Variants in ZNF676 observed in about 807,000 individuals in gnomAD.
ZNF676 encodes zinc finger protein 676.
Under a neutral mutation model 6.0 loss-of-function variants are expected in ZNF676, and 4 were observed. The observed-to-expected ratio is 0.67, with a 90% CI of 0.33 to 1.53. The LOEUF is 1.53. ZNF676 is among the 40% of genes most tolerant of loss of function. The probability of loss-of-function intolerance (pLI) is 0.06; values close to 1 mark genes in which losing one functional copy is unlikely to be tolerated. For synonymous variants in ZNF676, 198 were observed against 223.1 expected, an observed-to-expected ratio of 0.89 and a Z score of 1.00; for missense variants, 644 against 679.7, an observed-to-expected ratio of 0.95 and a Z score of 0.58.
At chr19:22,251,040 A>G in the ZNF676 span, among the ~76,000 whole-genome samples, 1 of 152,152 alleles carries the variant, frequency 6.6e-6, no homozygotes, top group African/African-American at 2.4e-5. Context: ...CAGAATCAGG[A>G]GCCTGAAGTT....
At chr19:22,250,274 A>G in the ZNF676 span, among the ~76,000 whole-genome samples, 1 of 152,024 alleles carries the variant, frequency 6.6e-6, no homozygotes, top group African/African-American at 2.4e-5. Context: ...AGATTTTTAT[A>G]TTATATTTTG....
At chr19:22,190,324 C>A (rs185643964) in intron 2 of ZNF676, among the ~76,000 whole-genome samples, 3 of 151,832 alleles carry the variant, frequency 2.0e-5, no homozygotes, top group African/African-American at 7.2e-5. Flanking sequence ...ACAAAACACT[C>A]GAGCACGCTC....
chr19:22,255,569 G>A, the ZNF676 span, among the ~76,000 whole-genome samples: 1 of 152,068 alleles, frequency 6.6e-6, no homozygotes, highest in African/African-American at 2.4e-5. Flanking sequence ...GCTATCACTG[G>A]GTGCAGTGGC....
At chr19:22,205,152 A>G (rs2024064529) in intron 1 of ZNF676, among the ~76,000 whole-genome samples, 1 of 152,170 alleles carries the variant, frequency 6.6e-6, no homozygotes, top group South Asian at 2.1e-4. Context: ...ATGGGTTCAC[A>G]TGAATAAAGC....
the ZNF676 span, among the ~76,000 whole-genome samples, chr19:22,258,284 T>A: frequency 6.6e-6 from 1 of 152,202 alleles, no homozygotes; most frequent in South Asian, 2.1e-4. Flanking sequence ...GGCTCAGAGA[T>A]ATGTCACAGT....
chr19:22,210,047 C>T (rs1310262444), intron 1 of ZNF676, among the ~76,000 whole-genome samples: 5 of 152,078 alleles, frequency 3.3e-5, no homozygotes, highest in African/African-American at 7.2e-5. Context: ...ATCAGATCTC[C>T]TTTAAGTTTT....
chr19:22,229,002 T>C, the ZNF676 span, among the ~76,000 whole-genome samples: 1 of 152,086 alleles, frequency 6.6e-6, no homozygotes, highest in Non-Finnish European at 1.5e-5. Flanking sequence ...AAAAACTACT[T>C]TAAATTTCAT....
upstream of ZNF676, among the ~76,000 whole-genome samples, chr19:22,201,731 C>CAAAAA (rs35526921): frequency 1.6e-4 from 12 of 76,230 alleles, no homozygotes; most frequent in African/African-American, 3.5e-4. Flanking sequence ...TTTGTAAAGG[C>CAAAAA]AAAAAAAAAA....
In ZNF676 at chr19:22,181,589, G is replaced by GA; in HGVS notation, c.131-4dup. The GA allele has an allele frequency of 6.5e-7, 1 of 1,528,978 alleles. No individual in the cohort carries two copies. Among genetic ancestry groups the GA allele is most frequent in the East Asian group, 2.3e-5 (1 of 43,612 alleles). 94.7% of individuals were successfully genotyped at this position (1,528,978 alleles called of 1,614,324 possible). Reference sequence around the variant, plus strand: ...TTGGGAAAAATGAGAACATATAACTGAAAAGAAATAAAAATAACAAATTAA... The same window carrying GA: ...TTGGGAAAAATGAGAACATATAACTGAAAAAGAAATAAAAATAACAAATTAA... On this transcript the variant is annotated splice_region_variant and splice_polypyrimidine_tract_variant and intron_variant, in intron 2 of 2. Coordinates refer to ENST00000397121, the MANE Select transcript of ZNF676 (RefSeq NM_001001411.3).
At chr19:22,182,593 A>AAAAAAAAAAACAAAAC (rs1356303631) in intron 2 of ZNF676, among the ~76,000 whole-genome samples, 1 of 90,930 alleles carries the variant, frequency 1.1e-5, no homozygotes, top group East Asian at 3.5e-4. Flanking sequence ...TCTAAAAAAA[A>AAAAAAAAAAACAAAAC]AAAAAAAAAG....
rs1218232903 is a variant in ZNF676 at position 22,181,330 on chromosome 19, GTTTGAA to G, written c.381_386del (p.Ser128_Asn129del). 6.2e-7 allele frequency: 1 copy of G among 1,613,684 alleles called. No homozygotes were observed. The highest frequency in any genetic ancestry group is 1.3e-5 in the African/African-American group (1 of 75,030). On this transcript the variant is annotated inframe_deletion, in exon 3 of 3. Coordinates refer to ENST00000397121, the MANE Select transcript of ZNF676 (RefSeq NM_001001411.3). Reference sequence around the variant, plus strand: ...CTCCAGTATGCCTTATCTTATGTCTGTTTGAATTTGAACATTTATGAAAGACGTTTG... The same window carrying G: ...CTCCAGTATGCCTTATCTTATGTCTGTTTGAACATTTATGAAAGACGTTTG...
At position 22,181,471 on chromosome 19, in the gene ZNF676, T is replaced by C. The variant is rs1323370003; in HGVS notation, c.246A>G (p.Lys82=). ...ACTCATCCACATTGGTACAACTAATTTTTAAGTGTAAATTCTCATGTCCAC... is the reference window on the plus strand; with the variant it reads ...ACTCATCCACATTGGTACAACTAATCTTTAAGTGTAAATTCTCATGTCCAC... ...DKCGHENLHL[K]ISCTNVDECN... Residue 82 remains lysine (K), a synonymous_variant, in exon 3 of 3, where the codon AAA becomes AAG. Coordinates refer to ENST00000397121, the MANE Select transcript of ZNF676 (RefSeq NM_001001411.3). The C allele has an allele frequency of 1.2e-6, 2 of 1,613,660 alleles. No homozygotes were observed. The highest frequency in any genetic ancestry group is 8.5e-7 in the Non-Finnish European group (1 of 1,179,784).
chr19:22,251,093 G>T, the ZNF676 span, among the ~76,000 whole-genome samples: 3 of 152,108 alleles, frequency 2.0e-5, no homozygotes, highest in Non-Finnish European at 4.4e-5. Context: ...CAACTCACAG[G>T]TATCTGATGG....
chr19:22,202,754 C>T (rs767845120), intron 1 of ZNF676, among the ~76,000 whole-genome samples: 4 of 152,166 alleles, frequency 2.6e-5, no homozygotes, highest in Non-Finnish European at 5.9e-5. Flanking sequence ...ATCCTGAATT[C>T]ATCTGGTAGC....
chr19:22,249,405 T>C, the ZNF676 span, among the ~76,000 whole-genome samples: 1 of 152,144 alleles, frequency 6.6e-6, no homozygotes, highest in Non-Finnish European at 1.5e-5. Flanking sequence ...TATTCAGTTT[T>C]TTTTGTTTTT....
chr19:22,229,899 G>T, the ZNF676 span, among the ~76,000 whole-genome samples: 1 of 152,146 alleles, frequency 6.6e-6, no homozygotes. Flanking sequence ...CACTGTTGGG[G>T]GGAGTGTAAA....
At chr19:22,259,401 CA>C in the ZNF676 span, among the ~76,000 whole-genome samples, 3 of 152,132 alleles carry the variant, frequency 2.0e-5, no homozygotes, top group Non-Finnish European at 4.4e-5. Flanking sequence ...TGATATGTCA[CA>C]ATCTCCTTTT....
upstream of ZNF676, among the ~76,000 whole-genome samples, chr19:22,216,985 G>T (rs1278158247): frequency 6.6e-6 from 1 of 151,028 alleles, no homozygotes; most frequent in African/African-American, 2.4e-5. Context: ...TGGGAGTTTG[G>T]AGGTTTTTAT....
At chr19:22,215,801 C>CA (rs141504820), upstream of ZNF676, 21 of 693,584 alleles carry the variant, frequency 3.0e-5, no homozygotes, top group East Asian at 2.7e-4. Context: ...GACCTGTCCC[C>CA]CCCCCCAGCT....
Sources: allele counts gnomAD v4.1 joint callset (sites outside exome capture counted in the v4.1 genomes callset), GRCh38; gene constraint gnomAD v4.1.1; transcripts MANE v1.5; gene names NCBI Gene and HGNC (gene_info 2026-07-23, HGNC 2026-07-21).